Variants in XK observed in about 807,000 individuals in gnomAD.
The protein encoded by XK is endoplasmic reticulum membrane adapter protein XK.
XK carries 2 observed loss-of-function variants against 14.0 expected under a neutral mutation model. The observed-to-expected ratio is 0.14, with a 90% CI of 0.06 to 0.45. The LOEUF is 0.45. Among genes scored for constraint, XK ranks in the 20% least tolerant of loss-of-function variants. The pLI, the probability that XK is intolerant of heterozygous loss-of-function variation, is 0.98. For missense variants in XK, 235 were observed against 341.5 expected, an observed-to-expected ratio of 0.69 and a Z score of 2.46; for synonymous variants, 149 against 147.5, an observed-to-expected ratio of 1.01 and a Z score of -0.08.
intron 2 of XK, among the ~76,000 whole-genome samples, chrX:37,707,396 C>T (rs1408472862): frequency 9.1e-6 from 1 of 109,534 alleles, no homozygotes; most frequent in Non-Finnish European, 1.9e-5. Context: ...GGAGGGGCTC[C>T]TCACTTCTCA....
At chrX:37,700,072 T>C (rs782264970) in intron 2 of XK, among the ~76,000 whole-genome samples, 47 of 111,971 alleles carry the variant, frequency 4.2e-4, no homozygotes, top group Non-Finnish European at 5.1e-4. Context: ...GACGGCTTTC[T>C]GCGAGGTCAG....
chrX:37,714,012 G>A (rs1927716669), intron 2 of XK, among the ~76,000 whole-genome samples: 1 of 111,685 alleles, frequency 9.0e-6, no homozygotes, highest in African/African-American at 3.3e-5. Context: ...GAGACCCACA[G>A]TATCTGCAAC....
At chrX:37,704,557 C>T (rs982882482) in intron 2 of XK, among the ~76,000 whole-genome samples, 1 of 110,607 alleles carries the variant, frequency 9.0e-6, no homozygotes, top group Non-Finnish European at 1.9e-5. Context: ...AAGTATCAGC[C>T]GGGCGTGGTG....
intron 2 of XK, among the ~76,000 whole-genome samples, chrX:37,707,173 G>A (rs782080028): frequency 3.7e-4 from 41 of 112,135 alleles, no homozygotes; most frequent in Middle Eastern, 4.7e-3. Flanking sequence ...GGTGGTGGCC[G>A]GGCAGAGGGG....
rs1928099513 is a variant in XK at position 37,731,949 on chromosome X, G to A, written c.*3487G>A. 1 of 111,639 alleles carries A rather than the reference G, an allele frequency of 9.0e-6. No individual in the cohort carries two copies. The highest frequency in any genetic ancestry group is 1.9e-5 in the Non-Finnish European group (1 of 53,034). The allele number at this position is 111,639 out of a possible 1,213,427, so 9.2% of individuals were successfully genotyped here. On this transcript the variant is annotated 3_prime_UTR_variant, in exon 3 of 3. Transcript: ENST00000378616. ...ATATTAAAATTGATTGTCAAATACA[G>A]CATTTCTTTGGAAACCACCTTAAAA... is the stretch of plus-strand genomic sequence containing the variant.
rs1928103084 is a variant in XK, at chrX:37,732,118, A to G, written c.*3656A>G. 8.9e-6 allele frequency: 1 copy of G among 111,733 alleles called. No homozygotes were observed. The highest frequency in any genetic ancestry group is 2.8e-4 in the East Asian group (1 of 3,579). The allele number at this position is 111,733 out of a possible 1,213,427, so 9.2% of individuals were successfully genotyped here. A position where few individuals can be genotyped will look rare whatever the true frequency, so the allele number is the denominator to read the frequency against. ...CTTCATATAATAAATTAATTTTTCA[A>G]TTTCTCCTTGTATTTCATTCTTTAT... is the stretch of plus-strand genomic sequence containing the variant. On this transcript the variant is annotated 3_prime_UTR_variant, in exon 3 of 3. Coordinates refer to ENST00000378616, the MANE Select transcript of XK (RefSeq NM_021083.4).
At chrX:37,707,700 G>A (rs1927569430) in intron 2 of XK, among the ~76,000 whole-genome samples, 1 of 110,873 alleles carries the variant, frequency 9.0e-6, no homozygotes, top group Admixed American at 9.4e-5. Context: ...CGGCCGGGAA[G>A]AGGCGCTCCT....
At chrX:37,699,121 T>A (rs1300821991) in intron 2 of XK, among the ~76,000 whole-genome samples, 1 of 112,731 alleles carries the variant, frequency 8.9e-6, no homozygotes, top group Non-Finnish European at 1.9e-5. Context: ...AGTGGGCTAC[T>A]ATAGTTGTCA....
intron 2 of XK, among the ~76,000 whole-genome samples, chrX:37,724,028 G>C (rs1556449504): frequency 9.0e-6 from 1 of 111,142 alleles, no homozygotes; most frequent in Admixed American, 9.5e-5. Context: ...GTAGATTCCA[G>C]TCTTTCCAGT....
chrX:37,709,358 T>C (rs188899563), intron 2 of XK, among the ~76,000 whole-genome samples: 2 of 112,344 alleles, frequency 1.8e-5, no homozygotes, highest in Admixed American at 1.9e-4. Flanking sequence ...GAACTATAAA[T>C]TTATCAGAAC....
Position 37,709,504 on chromosome X carries a change from C to T in XK, c.508+14956C>T, listed in dbSNP as rs1282027230. Among the ~76,000 whole-genome samples, 4 of 111,859 alleles carry T rather than the reference C, an allele frequency of 3.6e-5. No homozygotes were observed. In the East Asian group the frequency reaches 1.1e-3, roughly 31 times the overall value. ...ATACTCAAGAGTATAAAAATATATGCTTGTATTAAATATGACACTGATAAA... is the reference window on the plus strand; with the variant it reads ...ATACTCAAGAGTATAAAAATATATGTTTGTATTAAATATGACACTGATAAA... On this transcript the variant is annotated intron_variant, in intron 2 of 2. Transcript: ENST00000378616.
intron 2 of XK, among the ~76,000 whole-genome samples, chrX:37,722,101 A>T (rs1056232930): frequency 1.6e-4 from 18 of 111,916 alleles, no homozygotes; most frequent in South Asian, 3.7e-4. Context: ...AAAACTTTTT[A>T]AAATTGACTG....
chrX:37,698,325 A>G (rs1268337569), intron 2 of XK, among the ~76,000 whole-genome samples: 1 of 110,468 alleles, frequency 9.1e-6, no homozygotes, highest in Non-Finnish European at 1.9e-5. Flanking sequence ...AAATTGAGCC[A>G]GACACAGTGG....
chrX:37,708,079 G>A (rs983782765), intron 2 of XK, among the ~76,000 whole-genome samples: 17 of 112,408 alleles, frequency 1.5e-4, no homozygotes, highest in East Asian at 8.4e-4. Context: ...GGCGGCGGGC[G>A]CCTGCAATCT....
chrX:37,721,641 G>A (rs1395393281), intron 2 of XK, among the ~76,000 whole-genome samples: 2 of 111,542 alleles, frequency 1.8e-5, no homozygotes, highest in African/African-American at 6.5e-5. Context: ...AAAACACTAT[G>A]GCAGTTCCTT....
At chrX:37,719,414 A>G (rs1224859330) in intron 2 of XK, among the ~76,000 whole-genome samples, 7 of 111,169 alleles carry the variant, frequency 6.3e-5, no homozygotes, top group African/African-American at 2.3e-4. Context: ...ATATTATGTC[A>G]GAGCCATTCT....
At chrX:37,711,497 C>G (rs1374059793) in intron 2 of XK, among the ~76,000 whole-genome samples, 1 of 112,566 alleles carries the variant, frequency 8.9e-6, no homozygotes, top group African/African-American at 3.2e-5. Flanking sequence ...ACTTCAGCCT[C>G]TCTGTCCTTT....
At chrX:37,706,177 T>C (rs1227543245) in intron 2 of XK, among the ~76,000 whole-genome samples, 1 of 111,618 alleles carries the variant, frequency 9.0e-6, no homozygotes, top group African/African-American at 3.3e-5. Context: ...TTGAATTTTA[T>C]TTTGAAAGGC....
chrX:37,686,264 C>T (rs1268941091), intron 1 of XK, 58 bp downstream of exon 1: 5 of 1,182,893 alleles, frequency 4.2e-6, no homozygotes, highest in Non-Finnish European at 4.5e-6. Flanking sequence ...GTAGCCTGAT[C>T]TCCCCACCTG....
Sources: allele counts gnomAD v4.1 joint callset (sites outside exome capture counted in the v4.1 genomes callset), GRCh38; gene constraint gnomAD v4.1.1; transcripts MANE v1.5; gene names NCBI Gene and HGNC (gene_info 2026-07-23, HGNC 2026-07-21).